Variants in WDR72 observed in about 807,000 individuals in gnomAD.
WDR72 encodes WD repeat-containing protein 72.
In WDR72, 120 loss-of-function variants were observed where a neutral mutation model predicts 124.2. The observed-to-expected ratio is 0.97, with a 90% CI of 0.83 to 1.12. The LOEUF is 1.12. Among genes scored for constraint, WDR72 ranks in the 50% most tolerant of loss-of-function variants. The probability of loss-of-function intolerance (pLI) is 0.00; values close to 1 mark genes in which losing one functional copy is unlikely to be tolerated. For missense variants in WDR72, 1,387 were observed against 1,278.8 expected (o/e 1.08, Z -1.29); for synonymous variants, 452 against 441.7 (o/e 1.02, Z -0.29).
intron 18 of WDR72, among the ~76,000 whole-genome samples, chr15:53,564,741 T>C (rs1894236304): frequency 6.6e-6 from 1 of 151,918 alleles, no homozygotes; most frequent in African/African-American, 2.4e-5. Context: ...ATTGCTTCCA[T>C]GCCTACTGAA....
intron 18 of WDR72, among the ~76,000 whole-genome samples, chr15:53,586,357 A>C (rs544804912): frequency 6.6e-6 from 1 of 152,222 alleles, no homozygotes; most frequent in African/African-American, 2.4e-5. Flanking sequence ...TGTATCAACA[A>C]TTAGCATGTT....
At chr15:53,609,475 C>T (rs1566981925) in intron 17 of WDR72, 38 bp downstream of exon 17, 3 of 1,565,922 alleles carry the variant, frequency 1.9e-6, no homozygotes, top group Non-Finnish European at 2.6e-6. Context: ...CAGCAAGGAA[C>T]TCTTCTAATA....
intron 18 of WDR72, among the ~76,000 whole-genome samples, chr15:53,533,932 GTTATAC>G (rs961489847): frequency 9.2e-5 from 14 of 152,160 alleles, no homozygotes; most frequent in African/African-American, 3.1e-4. Flanking sequence ...TTTGGCCTGT[GTTATAC>G]TTATAATCCC....
chr15:53,572,877 C>A (rs963354092), intron 18 of WDR72, among the ~76,000 whole-genome samples: 2 of 152,168 alleles, frequency 1.3e-5, no homozygotes, highest in African/African-American at 4.8e-5. Flanking sequence ...TCTAGAGAAC[C>A]ACATTTTTCT....
At chr15:53,691,780 G>A (rs916833999) in intron 13 of WDR72, among the ~76,000 whole-genome samples, 2 of 152,136 alleles carry the variant, frequency 1.3e-5, no homozygotes, top group Non-Finnish European at 2.9e-5. Context: ...AGGAAACTAG[G>A]GCTCTGGTCA....
chr15:53,600,871 C>T (rs1366102078), intron 17 of WDR72, among the ~76,000 whole-genome samples: 2 of 152,138 alleles, frequency 1.3e-5, no homozygotes, highest in African/African-American at 2.4e-5. Flanking sequence ...TGCAAATTAG[C>T]AATCCCCAAA....
chr15:53,685,007 G>C (rs150168251), intron 13 of WDR72, among the ~76,000 whole-genome samples: 2,138 of 152,256 alleles, frequency 0.014, 59 homozygotes, highest in African/African-American at 0.049. Context: ...GGTCCTGTCT[G>C]TTAGAAGGAA....
In WDR72 at chr15:53,550,377, T is replaced by C. The variant is rs148010484; in HGVS notation, c.3149-27055A>G. Among the ~76,000 whole-genome samples, 57 of 152,314 alleles carry C rather than the reference T, an allele frequency of 3.7e-4. No individual in the cohort carries two copies. The East Asian group carries it at 0.01, about 27-fold the overall frequency. On this transcript the variant is annotated intron_variant, in intron 18 of 19. Transcript: ENST00000360509. ...CAGATAGCAGGCTGAATTCAGCTTA[T>C]GGTTTGCAGACCTCTCGTCTTGACC...
intron 18 of WDR72, among the ~76,000 whole-genome samples, chr15:53,547,120 C>G (rs1347989248): frequency 1.3e-5 from 2 of 152,212 alleles, no homozygotes; most frequent in Non-Finnish European, 2.9e-5. Flanking sequence ...GATTTCCCAT[C>G]AAAATAAGGA....
At chr15:53,677,663 T>C (rs554461984) in intron 13 of WDR72, among the ~76,000 whole-genome samples, 1 of 152,158 alleles carries the variant, frequency 6.6e-6, no homozygotes, top group Non-Finnish European at 1.5e-5. Flanking sequence ...TTTGCTCCCC[T>C]TTTTCCTTCC....
intron 17 of WDR72, among the ~76,000 whole-genome samples, chr15:53,602,786 A>G (rs2013102430): frequency 6.6e-6 from 1 of 152,274 alleles, no homozygotes; most frequent in Non-Finnish European, 1.5e-5. Flanking sequence ...TGAACCAGGA[A>G]GAAACTGAAT....
At chr15:53,662,007 T>C (rs563724129) in intron 14 of WDR72, among the ~76,000 whole-genome samples, 3 of 152,310 alleles carry the variant, frequency 2.0e-5, no homozygotes, top group African/African-American at 7.2e-5. Context: ...TAAAAGCAAC[T>C]AACCAACCAA....
chr15:53,612,603 G>A (rs2013590201), intron 16 of WDR72, among the ~76,000 whole-genome samples: 2 of 152,080 alleles, frequency 1.3e-5, no homozygotes, highest in Non-Finnish European at 2.9e-5. Context: ...GAGTTAAGCA[G>A]GGGGTGAGCA....
intron 14 of WDR72, among the ~76,000 whole-genome samples, chr15:53,625,480 C>A (rs953930980): frequency 6.6e-6 from 1 of 152,168 alleles, no homozygotes; most frequent in East Asian, 1.9e-4. Context: ...ACAATCCATT[C>A]CAACCTCTGA....
intron 14 of WDR72, among the ~76,000 whole-genome samples, chr15:53,621,816 T>C (rs1482645599): frequency 6.6e-6 from 1 of 151,912 alleles, no homozygotes; most frequent in African/African-American, 2.4e-5. Context: ...AAAAAGAAAC[T>C]ATCATCAGCG....
intron 11 of WDR72, among the ~76,000 whole-genome samples, chr15:53,703,395 AT>A (rs2017244073): frequency 6.6e-6 from 1 of 152,040 alleles, no homozygotes; most frequent in Admixed American, 6.6e-5. Flanking sequence ...GCAAAGCAAA[AT>A]GTTTAAGAGT....
At chr15:53,695,001 A>G (rs1317050612) in intron 13 of WDR72, among the ~76,000 whole-genome samples, 1 of 152,206 alleles carries the variant, frequency 6.6e-6, no homozygotes, top group Non-Finnish European at 1.5e-5. Context: ...TTATGCTACA[A>G]TAGGAGAGTT....
intron 13 of WDR72, among the ~76,000 whole-genome samples, chr15:53,690,862 C>A (rs1309055639): frequency 6.6e-6 from 1 of 151,956 alleles, no homozygotes; most frequent in Non-Finnish European, 1.5e-5. Flanking sequence ...TATTTTTAAC[C>A]TTTTGAGGAA....
At chr15:53,653,628 G>C (rs527854139) in intron 14 of WDR72, among the ~76,000 whole-genome samples, 10 of 152,140 alleles carry the variant, frequency 6.6e-5, no homozygotes, top group Non-Finnish European at 1.2e-4. Context: ...TTTATCACAA[G>C]AATGAATGCA....
Sources: allele counts gnomAD v4.1 joint callset (sites outside exome capture counted in the v4.1 genomes callset), GRCh38; gene constraint gnomAD v4.1.1; transcripts MANE v1.5; gene names NCBI Gene and HGNC (gene_info 2026-07-23, HGNC 2026-07-21).